Variants in EPHA3 observed in about 807,000 individuals in gnomAD.
EPHA3 encodes the protein ephrin type-A receptor 3.
A neutral mutation model predicts 107.1 loss-of-function variants in EPHA3; 42 were observed. The ratio of observed to expected loss-of-function variants is 0.39; its 90% CI spans 0.31 to 0.51. The LOEUF (loss-of-function observed/expected upper bound fraction) is 0.51, where lower values mean the gene tolerates loss of function less well. Among genes scored for constraint, EPHA3 ranks in the 20% least tolerant of loss-of-function variants. The pLI, the probability that EPHA3 is intolerant of heterozygous loss-of-function variation, is 0.78. For synonymous variants in EPHA3, 461 were observed against 424.8 expected (o/e 1.09, Z -1.05); for missense variants, 1,183 against 1,211.2 (o/e 0.98, Z 0.35).
intron 2 of EPHA3, among the ~76,000 whole-genome samples, chr3:89,208,455 A>AAAGAAAGAAAG (rs1706171876): frequency 7.6e-6 from 1 of 130,962 alleles, no homozygotes; most frequent in Non-Finnish European, 1.6e-5. Context: ...AGAAAGAAAG[A>AAAGAAAGAAAG]AAGAAAGAAA....
chr3:89,385,814 G>A (rs1286121860), intron 5 of EPHA3, among the ~76,000 whole-genome samples: 1 of 152,184 alleles, frequency 6.6e-6, no homozygotes, highest in Non-Finnish European at 1.5e-5. Context: ...AGGCTTAGAA[G>A]ACAGAAAGAT....
Position 89,480,101 on chromosome 3 carries a change from T to C in EPHA3, c.*599T>C, listed in dbSNP as rs536740562. On this transcript the variant is annotated 3_prime_UTR_variant, in exon 17 of 17. Coordinates refer to ENST00000336596, the MANE Select transcript of EPHA3 (RefSeq NM_005233.6). ...ATTGTTAGCTTCCTTAAGTATATCA[T>C]GTAAAGAAATGTCTTAATTTTTGAA... The C allele has an allele frequency of 4.3e-6, 1 of 232,786 alleles. No homozygotes were observed. Among genetic ancestry groups the C allele is most frequent in the Non-Finnish European group, 8.5e-6 (1 of 117,588 alleles). 14.4% of individuals were successfully genotyped at this position (232,786 alleles called of 1,614,324 possible). A position where few individuals can be genotyped will look rare whatever the true frequency, so the allele number is the denominator to read the frequency against.
intron 15 of EPHA3, among the ~76,000 whole-genome samples, chr3:89,462,180 G>T (rs1710247970): frequency 3.3e-5 from 1 of 30,762 alleles, no homozygotes; most frequent in Non-Finnish European, 5.4e-5. Context: ...CTGTTCCATT[G>T]ATCTATATCT....
chr3:89,288,614 A>G (rs1212499517), intron 3 of EPHA3, among the ~76,000 whole-genome samples: 1 of 152,170 alleles, frequency 6.6e-6, no homozygotes, highest in Non-Finnish European at 1.5e-5. Flanking sequence ...GCTATCACCC[A>G]GTAATGTTCT....
intron 3 of EPHA3, among the ~76,000 whole-genome samples, chr3:89,327,204 T>C (rs2107390990): frequency 6.6e-6 from 1 of 152,278 alleles, no homozygotes; most frequent in Admixed American, 6.5e-5. Flanking sequence ...GATTATACTG[T>C]CAGTGTTTAG....
At chr3:89,233,351 C>A (rs188221620) in intron 3 of EPHA3, among the ~76,000 whole-genome samples, 11 of 152,134 alleles carry the variant, frequency 7.2e-5, no homozygotes, top group African/African-American at 1.7e-4. Context: ...ATTGTCCCCC[C>A]ACTTTTCTGC....
intron 3 of EPHA3, among the ~76,000 whole-genome samples, chr3:89,286,449 A>G (rs1706085854): frequency 6.6e-6 from 1 of 152,116 alleles, no homozygotes; most frequent in Admixed American, 6.6e-5. Flanking sequence ...AGGCGAAAGC[A>G]GGGAGACCAA....
chr3:89,324,524 T>A (rs746877067), intron 3 of EPHA3, among the ~76,000 whole-genome samples: 45 of 151,976 alleles, frequency 3.0e-4, no homozygotes, highest in Admixed American at 2.0e-3. Flanking sequence ...TTATTTTTTT[T>A]AACTAGTTTA....
At chr3:89,228,528 AATT>A (rs1267779493) in intron 3 of EPHA3, among the ~76,000 whole-genome samples, 9 of 151,994 alleles carry the variant, frequency 5.9e-5, no homozygotes, top group Non-Finnish European at 1.2e-4. Context: ...TGTGTAGAAT[AATT>A]ATATACACTA....
intron 2 of EPHA3, among the ~76,000 whole-genome samples, chr3:89,130,297 G>A (rs1704178660): frequency 6.6e-6 from 1 of 152,146 alleles, no homozygotes; most frequent in South Asian, 2.1e-4. Context: ...ATCAGGAAAT[G>A]TCCATAACTA....
intron 3 of EPHA3, among the ~76,000 whole-genome samples, chr3:89,234,964 C>T: frequency 7.6e-6 from 1 of 131,886 alleles, no homozygotes; most frequent in African/African-American, 3.0e-5. Flanking sequence ...TCTTTCCCTT[C>T]CTCCTTCCTT....
chr3:89,429,185 A>G lies in EPHA3; in HGVS notation c.2136+18A>G, dbSNP rs770185926. 2.7e-5 allele frequency: 42 copies of G among 1,581,100 alleles called. No individual in the cohort carries two copies. Among genetic ancestry groups the G allele is most frequent in the Non-Finnish European group, 3.6e-5 (41 of 1,151,774 alleles). ...TCCTACGTGTAAGTAAGATGCACAC[A>G]CATACATATATATGAATAAATTGCT... On this transcript the variant is annotated intron_variant, in intron 12 of 16. Coordinates refer to ENST00000336596, the MANE Select transcript of EPHA3 (RefSeq NM_005233.6).
chr3:89,477,338 A>G (rs914647338), intron 16 of EPHA3, among the ~76,000 whole-genome samples: 1 of 152,184 alleles, frequency 6.6e-6, no homozygotes, highest in African/African-American at 2.4e-5. Context: ...GAGAGGATTT[A>G]TCAGCCCTTT....
chr3:89,241,854 CTAAT>C (rs1356746601), intron 3 of EPHA3, among the ~76,000 whole-genome samples: 2 of 152,010 alleles, frequency 1.3e-5, no homozygotes, highest in East Asian at 1.9e-4. Flanking sequence ...AAGAAATAAA[CTAAT>C]TGTTTTTTCC....
intron 3 of EPHA3, among the ~76,000 whole-genome samples, chr3:89,236,180 T>G (rs1163872205): frequency 6.6e-6 from 1 of 152,102 alleles, no homozygotes; most frequent in African/African-American, 2.4e-5. Context: ...TTTAGGAATC[T>G]GTTTGACATT....
chr3:89,172,289 A>G (rs1329399732), intron 2 of EPHA3, among the ~76,000 whole-genome samples: 1 of 152,106 alleles, frequency 6.6e-6, no homozygotes, highest in Non-Finnish European at 1.5e-5. Flanking sequence ...TGTGTGCCCA[A>G]ACCTTGTCAG....
At position 89,399,310 on chromosome 3, in the gene EPHA3, C is replaced by A; in HGVS notation, c.1432-8C>A. The A allele has an allele frequency of 6.3e-7, 1 of 1,582,776 alleles. No individual in the cohort carries two copies. ...TTTTAACATGAATTTTTTTTTCTGA[C>A]CTCAAAGCAGGAACAAGAAACAAGT... On this transcript the variant is annotated splice_region_variant and splice_polypyrimidine_tract_variant and intron_variant, in intron 6 of 16. Coordinates refer to ENST00000336596, the MANE Select transcript of EPHA3 (RefSeq NM_005233.6).
At chr3:89,226,544 C>T (rs1326122950) in intron 3 of EPHA3, among the ~76,000 whole-genome samples, 1 of 152,014 alleles carries the variant, frequency 6.6e-6, no homozygotes, top group Non-Finnish European at 1.5e-5. Context: ...TCATAACATA[C>T]AGTATTTCTG....
At chr3:89,450,068 C>A in intron 14 of EPHA3, 109 bp from the exon 15 acceptor site, 1 of 876,216 alleles carries the variant, frequency 1.1e-6, no homozygotes, top group Non-Finnish European at 1.7e-6. Context: ...AGAAGTTTTC[C>A]CACTTACCTT....
Sources: gnomAD v4.1 joint callset for allele counts (sites outside exome capture counted in the v4.1 genomes callset) on GRCh38, gnomAD v4.1.1 for gene constraint, MANE v1.5 for transcripts, NCBI Gene and HGNC (gene_info 2026-07-23, HGNC 2026-07-21) for gene names.